The following DYNC1I1 variants were observed in gnomAD, a reference collection of about 807,000 sequenced individuals.
DYNC1I1 encodes dynein cytoplasmic 1 intermediate chain 1, also known as cytoplasmic dynein 1 intermediate chain 1.
DYNC1I1 carries 43 observed loss-of-function variants against 86.6 expected under a neutral mutation model. That is an observed-to-expected ratio of 0.50 (90% CI 0.39 to 0.64). The LOEUF is 0.64. DYNC1I1 is among the 30% of genes least tolerant of loss of function. The probability of loss-of-function intolerance (pLI) is 0.00; values close to 1 mark genes in which losing one functional copy is unlikely to be tolerated. For missense variants in DYNC1I1, 604 were observed against 788.8 expected (o/e 0.77, Z 2.81); for synonymous variants, 262 against 283.7 (o/e 0.92, Z 0.77).
chr7:95,908,207 T>C (rs1791227257), intron 6 of DYNC1I1, among the ~76,000 whole-genome samples: 1 of 152,144 alleles, frequency 6.6e-6, no homozygotes, highest in Admixed American at 6.6e-5. Context: ...AATAAAAATG[T>C]ATCTATCATA....
intron 9 of DYNC1I1, among the ~76,000 whole-genome samples, chr7:95,993,572 A>C (rs923051150): frequency 1.3e-5 from 2 of 152,182 alleles, no homozygotes; most frequent in Non-Finnish European, 2.9e-5. Context: ...TTTGAATCAA[A>C]GGCTTTCTTA....
At chr7:95,937,443 A>G (rs1315249725) in intron 6 of DYNC1I1, among the ~76,000 whole-genome samples, 1 of 152,058 alleles carries the variant, frequency 6.6e-6, no homozygotes, top group African/African-American at 2.4e-5. Flanking sequence ...TCAAATATGT[A>G]CAATTTTTAT....
chr7:95,969,888 C>T (rs139028429), intron 6 of DYNC1I1, among the ~76,000 whole-genome samples: 48 of 152,230 alleles, frequency 3.2e-4, no homozygotes, highest in Non-Finnish European at 5.6e-4. Flanking sequence ...TGTTTCTAGA[C>T]CAGAAAGTGA....
intron 6 of DYNC1I1, among the ~76,000 whole-genome samples, chr7:95,886,424 A>T (rs1296466497): frequency 6.6e-6 from 1 of 152,032 alleles, no homozygotes; most frequent in African/African-American, 2.4e-5. Context: ...ACAGAGTGAG[A>T]CCTGTCTCAA....
chr7:95,876,603 T>A (rs1365497462), intron 6 of DYNC1I1, among the ~76,000 whole-genome samples: 2 of 152,184 alleles, frequency 1.3e-5, no homozygotes, highest in Non-Finnish European at 1.5e-5. Flanking sequence ...CAGAAAAGCA[T>A]ATTAATAATT....
At chr7:95,890,326 G>A (rs1438600089) in intron 6 of DYNC1I1, among the ~76,000 whole-genome samples, 2 of 152,150 alleles carry the variant, frequency 1.3e-5, no homozygotes, top group Non-Finnish European at 2.9e-5. Flanking sequence ...AAAAATGCAG[G>A]AACAGAAAGG....
At chr7:95,967,827 C>A (rs1418185484) in intron 6 of DYNC1I1, among the ~76,000 whole-genome samples, 3 of 152,064 alleles carry the variant, frequency 2.0e-5, no homozygotes, top group East Asian at 1.9e-4. Flanking sequence ...AAGCATGAAC[C>A]AAGGTACAGA....
intron 5 of DYNC1I1, among the ~76,000 whole-genome samples, chr7:95,853,976 T>C (rs963962339): frequency 1.2e-4 from 19 of 152,280 alleles, no homozygotes; most frequent in Middle Eastern, 6.8e-3. Context: ...TACTCCTCCC[T>C]CTTTTGGTTT....
chr7:95,882,900 A>T lies in DYNC1I1; in HGVS notation c.490+12902A>T, dbSNP rs535214635. On this transcript the variant is annotated intron_variant, in intron 6 of 16. Transcript: ENST00000447467. ...TAGTTGAAATCTCTCGTCACATTAT[A>T]TCATCTGAAGCCTATTTGTACGTTG... 3.3e-5 allele frequency among the ~76,000 whole-genome samples: 5 copies of T among 152,298 alleles called. No individual in the cohort carries two copies. The East Asian group carries it at 9.7e-4, about 29-fold the overall frequency.
chr7:95,776,845 C>G (rs1355480386), intron 1 of DYNC1I1, among the ~76,000 whole-genome samples: 1 of 152,176 alleles, frequency 6.6e-6, no homozygotes, highest in Non-Finnish European at 1.5e-5. Flanking sequence ...ATAATCAGTG[C>G]TTTATAGATG....
intron 10 of DYNC1I1, among the ~76,000 whole-genome samples, chr7:96,017,724 A>G (rs985561171): frequency 6.6e-6 from 1 of 152,202 alleles, no homozygotes; most frequent in Non-Finnish European, 1.5e-5. Context: ...TTCACTTTTC[A>G]TAATAATAAA....
At chr7:95,801,724 T>C (rs191862878) in intron 1 of DYNC1I1, among the ~76,000 whole-genome samples, 1 of 152,328 alleles carries the variant, frequency 6.6e-6, no homozygotes, top group East Asian at 1.9e-4. Context: ...TGGACCCTCA[T>C]TGGTCAAGGG....
chr7:95,780,735 T>C (rs1793970433), intron 1 of DYNC1I1, among the ~76,000 whole-genome samples: 1 of 152,156 alleles, frequency 6.6e-6, no homozygotes, highest in Admixed American at 6.5e-5. Context: ...TGGAAGTCTT[T>C]AAATGTTTAT....
chr7:95,804,490 T>C (rs2115795784), intron 1 of DYNC1I1: 1 of 863,862 alleles, frequency 1.2e-6, no homozygotes, highest in South Asian at 1.8e-5. Context: ...AACCTTGTAT[T>C]TCTTCAGATA....
intron 1 of DYNC1I1, among the ~76,000 whole-genome samples, chr7:95,777,226 C>T (rs1035447703): frequency 1.3e-5 from 2 of 152,152 alleles, no homozygotes; most frequent in Admixed American, 1.3e-4. Flanking sequence ...GAAAAGCAAG[C>T]CCTGCTTTAA....
chr7:95,821,106 G>A (rs756724891), intron 4 of DYNC1I1, among the ~76,000 whole-genome samples: 22 of 152,082 alleles, frequency 1.4e-4, no homozygotes, highest in African/African-American at 2.9e-4. Flanking sequence ...GCCCTCACAC[G>A]TCACACCCAT....
At chr7:95,986,595 C>A (rs921614816) in intron 8 of DYNC1I1, among the ~76,000 whole-genome samples, 2 of 152,142 alleles carry the variant, frequency 1.3e-5, no homozygotes, top group African/African-American at 4.8e-5. Context: ...ACTGCTACAG[C>A]CTGTCAGCAT....
intron 14 of DYNC1I1, among the ~76,000 whole-genome samples, chr7:96,049,341 A>G (rs940698340): frequency 2.0e-5 from 3 of 152,214 alleles, no homozygotes; most frequent in East Asian, 1.9e-4. Flanking sequence ...TAAAAGAGGC[A>G]AAGTAAAAAA....
chr7:96,048,480 G>A (rs79789389), intron 14 of DYNC1I1, among the ~76,000 whole-genome samples: 148 of 152,252 alleles, frequency 9.7e-4, no homozygotes, highest in African/African-American at 3.1e-3. Flanking sequence ...GATGCAAACC[G>A]TCTGGGCCCC....
Sources: gnomAD v4.1 joint callset for allele counts (sites outside exome capture counted in the v4.1 genomes callset) on GRCh38, gnomAD v4.1.1 for gene constraint, MANE v1.5 for transcripts, NCBI Gene and HGNC (gene_info 2026-07-23, HGNC 2026-07-21) for gene names.